ANKRD36: variants seen among roughly 807,000 people sequenced by gnomAD.
ANKRD36 encodes ankyrin repeat domain-containing protein 36A.
A neutral mutation model predicts 278.1 loss-of-function variants in ANKRD36; 179 were observed. The ratio of observed to expected loss-of-function variants is 0.64; its 90% CI spans 0.57 to 0.73. The LOEUF (loss-of-function observed/expected upper bound fraction) is 0.73, where lower values mean the gene tolerates loss of function less well. ANKRD36 is among the 30% of genes least tolerant of loss of function. The pLI is 0.00. For synonymous variants in ANKRD36, 320 were observed against 641.1 expected (o/e 0.50, Z 7.57); for missense variants, 1,159 against 1,956.7 (o/e 0.59, Z 7.69).
intron 6 of ANKRD36, among the ~76,000 whole-genome samples, chr2:97,140,527 G>C (rs1438417803): frequency 6.6e-6 from 1 of 151,928 alleles, no homozygotes; most frequent in African/African-American, 2.4e-5. Flanking sequence ...CTCATAATAT[G>C]ATGGGAAAGC....
intron 6 of ANKRD36, among the ~76,000 whole-genome samples, chr2:97,139,827 G>A (rs560731420): frequency 6.6e-6 from 1 of 152,138 alleles, no homozygotes; most frequent in East Asian, 1.9e-4. Context: ...AGAGGAAATG[G>A]CCGATGGTCA....
chr2:97,211,582 A>G lies in ANKRD36; in HGVS notation c.3396+8A>G. ...AAACAACCAGCATTGAAGGTAATTA[A>G]GCTCTCATTTATATTTTGAACTATT... is the stretch of plus-strand genomic sequence containing the variant. On this transcript the variant is annotated splice_region_variant and intron_variant, in intron 57 of 75. Transcript: ENST00000420699. 6.2e-7 allele frequency: 1 copy of G among 1,607,094 alleles called. No individual in the cohort carries two copies. Among genetic ancestry groups the G allele is most frequent in the South Asian group, 1.1e-5 (1 of 90,602 alleles).
chr2:97,196,491 A>T, intron 40 of ANKRD36, 102 bp from the exon 41 acceptor site: 1 of 1,566,502 alleles, frequency 6.4e-7, no homozygotes, highest in Non-Finnish European at 8.6e-7. Context: ...GCCTATGCTA[A>T]TACAGGCAGG....
Position 97,209,966 on chromosome 2 carries a change from C to T in ANKRD36, c.3367+94C>T, listed in dbSNP as rs533964753. ...ATCAGCGGAGGGCTCGTTGAAGCTG[C>T]ACATTCTGATTCAGCAGTCCTGAGA... On this transcript the variant is annotated intron_variant, in intron 56 of 75. Coordinates refer to ENST00000420699, the MANE Select transcript of ANKRD36 (RefSeq NM_001354587.1). 44 of 1,470,002 alleles carry T rather than the reference C, an allele frequency of 3.0e-5. No homozygotes were observed. The African/African-American group carries it at 6.2e-4, about 21-fold the overall frequency. 91.1% of individuals were successfully genotyped at this position (1,470,002 alleles called of 1,614,324 possible). A position where few individuals can be genotyped will look rare whatever the true frequency, so the allele number is the denominator to read the frequency against.
At chr2:97,197,680 T>C (rs1167895016) in intron 42 of ANKRD36, among the ~76,000 whole-genome samples, 1 of 151,930 alleles carries the variant, frequency 6.6e-6, no homozygotes, top group Non-Finnish European at 1.5e-5. Flanking sequence ...CAATGAGTAT[T>C]GCTGTGATTT....
At chr2:97,195,590 A>C (rs1428874406) in intron 40 of ANKRD36, among the ~76,000 whole-genome samples, 1 of 152,010 alleles carries the variant, frequency 6.6e-6, no homozygotes. Context: ...ACTATTAGGC[A>C]TCAGAGATAC....
intron 75 of ANKRD36, among the ~76,000 whole-genome samples, chr2:97,254,389 CTT>C (rs1267540071): frequency 1.4e-3 from 1 of 708 alleles, no homozygotes; most frequent in Non-Finnish European, 2.3e-3. Flanking sequence ...GGATCCATGT[CTT>C]GGCTGGTACT....
intron 6 of ANKRD36, among the ~76,000 whole-genome samples, chr2:97,141,268 T>C (rs1443364250): frequency 7.1e-6 from 1 of 140,286 alleles, no homozygotes; most frequent in African/African-American, 3.0e-5. Context: ...TTTGGTTGGT[T>C]ATTAATAAGA....
At chr2:97,206,648 T>A (rs2062937450) in intron 52 of ANKRD36, among the ~76,000 whole-genome samples, 1 of 151,490 alleles carries the variant, frequency 6.6e-6, no homozygotes, top group Non-Finnish European at 1.5e-5. Flanking sequence ...TTGGGGTTTC[T>A]GCTGAGGAAA....
chr2:97,129,109 T>C (rs891286249), intron 6 of ANKRD36, among the ~76,000 whole-genome samples: 2 of 152,082 alleles, frequency 1.3e-5, no homozygotes, highest in African/African-American at 4.8e-5. Flanking sequence ...TGTTCCTATT[T>C]CTCCACATCC....
intron 68 of ANKRD36, 151 bp from the exon 69 acceptor site, chr2:97,241,115 G>T: frequency 3.2e-6 from 1 of 315,830 alleles, no homozygotes; most frequent in African/African-American, 2.5e-5. Flanking sequence ...CTTATCTGCA[G>T]ACCTTACTAT....
chr2:97,142,165 T>A (rs79143807), intron 6 of ANKRD36, among the ~76,000 whole-genome samples: 5,265 of 151,712 alleles, frequency 0.035, no homozygotes, highest in Middle Eastern at 0.054. Flanking sequence ...TCAGCTGAAG[T>A]GTCATCGTAA....
rs777648687 is a variant in ANKRD36, at chr2:97,211,651, G to T, written c.3397-18G>T. ...ATATACTTTATTTATTGACTGTTTT[G>T]TTTCAAATTCTATTCAGGCTATCTG... On this transcript the variant is annotated intron_variant, in intron 57 of 75. Transcript: ENST00000420699. 1 of 1,593,226 alleles carries T rather than the reference G, an allele frequency of 6.3e-7. No homozygotes were observed. The highest frequency in any genetic ancestry group is 1.7e-5 in the Admixed American group (1 of 57,446).
chr2:97,170,056 G>C (rs2051963450), intron 22 of ANKRD36, among the ~76,000 whole-genome samples: 1 of 151,904 alleles, frequency 6.6e-6, no homozygotes, highest in African/African-American at 2.4e-5. Flanking sequence ...AAAACAGCAT[G>C]GTACAGCTAC....
intron 42 of ANKRD36, among the ~76,000 whole-genome samples, chr2:97,198,098 G>C (rs1326169559): frequency 1.3e-5 from 2 of 152,024 alleles, no homozygotes; most frequent in East Asian, 3.9e-4. Context: ...TGAAAGACAT[G>C]TGGGTACATG....
rs181210541 is a variant in ANKRD36 at position 97,145,072 on chromosome 2, C to G, written c.1003+360C>G. On this transcript the variant is annotated intron_variant, in intron 10 of 75. Coordinates refer to ENST00000420699, the MANE Select transcript of ANKRD36 (RefSeq NM_001354587.1). ...AAATTATAGGCGCCTGATCACATTG[C>G]TAAAACCAGAGGGAAGAAATGATCG... Among the ~76,000 whole-genome samples the G allele has an allele frequency of 8.6e-4, 131 of 152,016 alleles. 1 individual carries two copies. Among genetic ancestry groups the G allele is most frequent in the Non-Finnish European group, 1.3e-3 (85 of 67,976 alleles).
At chr2:97,194,413 C>A (rs143747853) in intron 38 of ANKRD36, among the ~76,000 whole-genome samples, 2,608 of 151,666 alleles carry the variant, frequency 0.017, 34 homozygotes, top group Non-Finnish European at 0.027. Flanking sequence ...GTGAGTTGCT[C>A]CTCTGATTTT....
chr2:97,130,152 A>G (rs537414318), intron 6 of ANKRD36, among the ~76,000 whole-genome samples: 52 of 151,844 alleles, frequency 3.4e-4, no homozygotes, highest in Non-Finnish European at 5.0e-4. Flanking sequence ...TTCATTGAGC[A>G]GTGGTTTGTA....
At chr2:97,180,554 G>A (rs74428708) in intron 24 of ANKRD36, among the ~76,000 whole-genome samples, 1 of 151,656 alleles carries the variant, frequency 6.6e-6, no homozygotes, top group African/African-American at 2.4e-5. Context: ...GCAGGAAACA[G>A]TGCTAGAATC....
Sources: gnomAD v4.1 joint callset for allele counts (sites outside exome capture counted in the v4.1 genomes callset) on GRCh38, gnomAD v4.1.1 for gene constraint, MANE v1.5 for transcripts, NCBI Gene and HGNC (gene_info 2026-07-23, HGNC 2026-07-21) for gene names.